FAT2: variants seen among roughly 807,000 people sequenced by gnomAD.
FAT2 encodes protocadherin Fat 2.
Under a neutral mutation model 295.3 loss-of-function variants are expected in FAT2, and 150 were observed. That is an observed-to-expected ratio of 0.51 (90% CI 0.44 to 0.58). The LOEUF is 0.58. Among genes scored for constraint, FAT2 ranks in the 20% least tolerant of loss-of-function variants. The pLI is 0.00. For missense variants in FAT2, 4,868 were observed against 5,442.7 expected (o/e 0.89, Z 3.32); for synonymous variants, 2,026 against 2,150.3 (o/e 0.94, Z 1.60).
In FAT2 at chr5:151,521,692, C is replaced by T. The variant is rs564763607; in HGVS notation, c.10901G>A (p.Gly3634Asp). ...QEALQQAMWM[G>D]FYQLTPEELV... ...CTCCTCGGGGGTGAGCTGGTAGAAG[C>T]CCATCCACATGGCCTGCTGCAGAGC... Residue 3634 changes from glycine (G) to aspartate (D), a missense_variant, in exon 19 of 24, where the codon GGC becomes GAC. This residue lies in a region of FAT2 where 1,046 missense variants were observed against 1,210.1 expected (regional missense o/e 0.86). Coordinates refer to ENST00000261800, the MANE Select transcript of FAT2 (RefSeq NM_001447.3). 1.9e-6 allele frequency: 3 copies of T among 1,613,996 alleles called. No homozygotes were observed. In the South Asian group the frequency reaches 3.3e-5, roughly 18 times the overall value.
intron 11 of FAT2, 104 bp downstream of exon 11, chr5:151,540,463 G>GC (rs1756013477): frequency 1.3e-6 from 1 of 762,568 alleles, no homozygotes; most frequent in African/African-American, 1.9e-5. Context: ...CTGTTCTCCT[G>GC]CCCCTCAATC....
chr5:151,510,086 A>C lies in FAT2; in HGVS notation c.11994T>G (p.Gly3998=). The change falls in exon 22 of 24, where the codon GGT becomes GGG. Residue 3998 remains glycine (G), a synonymous_variant. Coordinates refer to ENST00000261800, the MANE Select transcript of FAT2 (RefSeq NM_001447.3). ...ENCTFAPCLE[G]GTCILSPKGA... ...CTTTGGGGGAGAGGATGCAAGTTCC[A>C]CCTTCCAGGCAGGGTGCAAAAGTAC... The C allele has an allele frequency of 6.2e-7, 1 of 1,614,164 alleles. No homozygotes were observed. The highest frequency in any genetic ancestry group is 8.5e-7 in the Non-Finnish European group (1 of 1,180,018).
rs1253530701 is a variant in FAT2 at position 151,546,289 on chromosome 5, G to T, written c.4838C>A (p.Thr1613Asn). ...TGCCTGATCAAGCTTTTGAGCTAGA[G>T]TAATGATGCCTAGCAGGGCATTGAT... Reference protein sequence around the residue: ...FNINALLGIITLAQKLDQANH... With the variant: ...FNINALLGIINLAQKLDQANH... Residue 1613 changes from threonine (T) to asparagine (N), a missense_variant, in exon 10 of 24, where the codon ACT (threonine) becomes AAT (asparagine). Transcript: ENST00000261800. The T allele has an allele frequency of 6.2e-7, 1 of 1,613,940 alleles. No individual in the cohort carries two copies. Among genetic ancestry groups the T allele is most frequent in the Non-Finnish European group, 8.5e-7 (1 of 1,179,996 alleles).
rs1452193273 is a variant in FAT2 at position 151,544,917 on chromosome 5, A to G, written c.6210T>C (p.Phe2070=). ...IEDVNDNPPK[F]KHLPYYTIIQ... ...TGATTGTGTAATAGGGCAGATGCTTAAATTTGGGGGGATTGTCATTGACAT... is the reference window on the plus strand; with the variant it reads ...TGATTGTGTAATAGGGCAGATGCTTGAATTTGGGGGGATTGTCATTGACAT... Residue 2070 remains phenylalanine, a synonymous_variant, in exon 10 of 24, where the codon TTT becomes TTC. Transcript: ENST00000261800. 23 of 1,613,980 alleles carry G rather than the reference A, an allele frequency of 1.4e-5. No individual in the cohort carries two copies. The highest frequency in any genetic ancestry group is 1.6e-4 in the Middle Eastern group (1 of 6,084).
chr5:151,541,205 G>A (rs1016609111), intron 10 of FAT2, among the ~76,000 whole-genome samples: 9 of 152,196 alleles, frequency 5.9e-5, no homozygotes, highest in African/African-American at 1.9e-4. Flanking sequence ...TTCTGTAGGA[G>A]CACTAGGGTT....
chr5:151,540,466 C>T (rs1254655443), intron 11 of FAT2, 101 bp downstream of exon 11: 8 of 948,272 alleles, frequency 8.4e-6, no homozygotes, highest in Non-Finnish European at 1.2e-5. Flanking sequence ...TTCTCCTGCC[C>T]CTCAATCTCC....
chr5:151,593,846 A>G (rs913865128), upstream of FAT2, among the ~76,000 whole-genome samples: 4 of 152,040 alleles, frequency 2.6e-5, no homozygotes, highest in Non-Finnish European at 5.9e-5. Flanking sequence ...TACTAAAAGC[A>G]TAGAAAATTA....
At position 151,556,398 on chromosome 5, in the gene FAT2, G is replaced by A; in HGVS notation, c.3579C>T (p.Leu1193=). Residue 1193 remains leucine (L), a synonymous_variant, in exon 4 of 24, where the codon CTC becomes CTT. Transcript: ENST00000261800. The part of the protein sequence containing the change: ...GFFMIHPVTG[L]LSTAQQLDRE... ...TGTCCAGCTGCTGGGCTGTAGATAG[G>A]AGACCTGAGAGAGAGATGATAAGGG... The A allele has an allele frequency of 1.2e-6, 2 of 1,613,134 alleles. No individual in the cohort carries two copies. The highest frequency in any genetic ancestry group is 1.1e-5 in the South Asian group (1 of 91,006).
intron 1 of FAT2, among the ~76,000 whole-genome samples, chr5:151,587,461 T>A (rs1445265285): frequency 6.6e-6 from 1 of 152,208 alleles, no homozygotes; most frequent in African/African-American, 2.4e-5. Flanking sequence ...GCGGGGCCTT[T>A]GCATGTGTTA....
At chr5:151,570,884 G>C (rs893307718) in intron 1 of FAT2, among the ~76,000 whole-genome samples, 3 of 152,330 alleles carry the variant, frequency 2.0e-5, no homozygotes, top group African/African-American at 4.8e-5. Context: ...AGATCATGCT[G>C]ACAGCATTCC....
chr5:151,513,412 C>T (rs1752516503), intron 20 of FAT2, among the ~76,000 whole-genome samples: 1 of 152,098 alleles, frequency 6.6e-6, no homozygotes, highest in Admixed American at 6.6e-5. Flanking sequence ...ACCATTCAGC[C>T]ATAAAAAAGA....
At chr5:151,583,269 A>C (rs898622790) in intron 1 of FAT2, among the ~76,000 whole-genome samples, 66 of 152,244 alleles carry the variant, frequency 4.3e-4, no homozygotes, top group African/African-American at 1.5e-3. Context: ...AGCACTAGTT[A>C]TAGCAGCCCC....
chr5:151,550,719 A>G lies in FAT2; in HGVS notation c.4449T>C (p.Tyr1483=). The G allele has an allele frequency of 6.2e-7, 1 of 1,614,162 alleles. No homozygotes were observed. The highest frequency in any genetic ancestry group is 8.5e-7 in the Non-Finnish European group (1 of 1,180,030). ...CTGGGTCTTGGCTGCCATGTATGGT[A>G]TAGATGAGGCTTTTGCCCTTGTCTT... ...IDQDKGKSLI[Y]TIHGSQDPGS... is the part of the protein sequence containing the mutation. The change falls in exon 8 of 24, where the codon TAT becomes TAC. Residue 1483 remains tyrosine (Y), a synonymous_variant. Transcript: ENST00000261800.
rs372395459 is a variant in FAT2, at chr5:151,567,941, G to A, written c.991C>T (p.Leu331Phe). The change falls in exon 2 of 24, where the codon CTC becomes TTC. Residue 331 changes from leucine to phenylalanine, a missense_variant. Around this residue, in one of 5 missense-constraint regions of FAT2, gnomAD observed 3,297 missense variants for 3,669.4 expected, o/e 0.90. Transcript: ENST00000261800. ...NWMEYLHGFN[L>F]SLQARSGSGP... ...CTCCCACTCCTGGCCTGGAGGCTGA[G>A]GTTGAACCCATGAAGGTACTCCATC... 9.9e-6 allele frequency: 16 copies of A among 1,614,060 alleles called. No individual in the cohort carries two copies. Among genetic ancestry groups the A allele is most frequent in the Middle Eastern group, 1.6e-4 (1 of 6,084 alleles).
At chr5:151,526,098 G>GCT in intron 17 of FAT2, 133 bp from the exon 18 acceptor site, 1 of 868,034 alleles carries the variant, frequency 1.2e-6, no homozygotes, top group Non-Finnish European at 1.8e-6. Flanking sequence ...TGGACATCAA[G>GCT]CTGCTGCTCA....
Position 151,531,464 on chromosome 5 carries a change from A to C in FAT2, c.9811+123T>G. On this transcript the variant is annotated intron_variant, in intron 14 of 23. Coordinates refer to ENST00000261800, the MANE Select transcript of FAT2 (RefSeq NM_001447.3). This position sits in a 1 kb window ranked among gnomAD's most constrained non-coding sequence, Gnocchi z 5.7. ...GAGAGAAGCAGAAGAGAATGGAGAA[A>C]CGACCAGAGGAGGTCTGCTCTGGGA... 7.6e-7 allele frequency: 1 copy of C among 1,312,124 alleles called. No homozygotes were observed. The highest frequency in any genetic ancestry group is 2.5e-5 in the East Asian group (1 of 40,268). 81.3% of individuals were successfully genotyped at this position (1,312,124 alleles called of 1,614,324 possible). A position where few individuals can be genotyped will look rare whatever the true frequency, so the allele number is the denominator to read the frequency against.
Position 151,543,270 on chromosome 5 carries a change from A to T in FAT2, c.7857T>A (p.Asp2619Glu). The change falls in exon 10 of 24, where the codon GAT (aspartate) becomes GAA (glutamate). Residue 2619 changes from aspartate to glutamate, a missense_variant. Around this residue, in one of 5 missense-constraint regions of FAT2, gnomAD observed 3,297 missense variants for 3,669.4 expected, o/e 0.90. Coordinates refer to ENST00000261800, the MANE Select transcript of FAT2 (RefSeq NM_001447.3). ...CCTCTGGGTTCACTGAGTAGGTGAC[A>T]TCTGCGTTCTGACCTTCATCTGCAT... The part of the protein sequence containing the change: ...AYDADEGQNA[D>E]VTYSVNPEDL... 6.2e-7 allele frequency: 1 copy of T among 1,614,234 alleles called. No homozygotes were observed. Among genetic ancestry groups the T allele is most frequent in the African/African-American group, 1.3e-5 (1 of 75,060 alleles).
chr5:151,558,480 G>A (rs1482456632), intron 3 of FAT2, among the ~76,000 whole-genome samples: 1 of 152,092 alleles, frequency 6.6e-6, no homozygotes, highest in Non-Finnish European at 1.5e-5. Flanking sequence ...TTAGCTGGAT[G>A]TTGTGGCGTG....
intron 5 of FAT2, 25 bp downstream of exon 5, chr5:151,554,337 C>A (rs750460182): frequency 6.3e-7 from 1 of 1,596,418 alleles, no homozygotes; most frequent in South Asian, 1.1e-5. Flanking sequence ...ACTCCTCCCT[C>A]CGTGGCTTCC....
Sources: gnomAD v4.1 joint callset for allele counts (sites outside exome capture counted in the v4.1 genomes callset) on GRCh38, gnomAD v4.1.1 for gene constraint, gnomAD v4.1.1 regional missense constraint, Gnocchi (gnomAD v3.1) non-coding constraint, MANE v1.5 for transcripts, NCBI Gene and HGNC (gene_info 2026-07-23, HGNC 2026-07-21) for gene names.